Variants in CGNL1 observed in about 807,000 individuals in gnomAD.
The protein encoded by CGNL1 is cingulin like 1.
Under a neutral mutation model 141.2 loss-of-function variants are expected in CGNL1, and 132 were observed. The observed-to-expected ratio is 0.93, with a 90% CI of 0.81 to 1.08. The LOEUF is 1.08. Among genes scored for constraint, CGNL1 ranks in the 50% least tolerant of loss-of-function variants. The pLI, the probability that CGNL1 is intolerant of heterozygous loss-of-function variation, is 0.00. For missense variants in CGNL1, 1,870 were observed against 1,588.6 expected, an observed-to-expected ratio of 1.18 and a Z score of -3.01; for synonymous variants, 690 against 622.1, an observed-to-expected ratio of 1.11 and a Z score of -1.63.
intron 10 of CGNL1, among the ~76,000 whole-genome samples, chr15:57,522,192 T>A (rs1407016382): frequency 6.6e-6 from 1 of 152,154 alleles, no homozygotes; most frequent in African/African-American, 2.4e-5. Flanking sequence ...TAACCTTGGT[T>A]CTCTGCAGCA....
At chr15:57,381,269 A>G (rs1038707669) in intron 1 of CGNL1, among the ~76,000 whole-genome samples, 1 of 152,102 alleles carries the variant, frequency 6.6e-6, no homozygotes, top group Non-Finnish European at 1.5e-5. Flanking sequence ...GCAAAGGTGC[A>G]TAGTAGTTGA....
At chr15:57,404,739 G>A (rs1700746151) in intron 1 of CGNL1, among the ~76,000 whole-genome samples, 3 of 152,154 alleles carry the variant, frequency 2.0e-5, no homozygotes, top group Admixed American at 2.0e-4. Context: ...TAAATCTGGA[G>A]GAACTCAAGA....
intron 1 of CGNL1, among the ~76,000 whole-genome samples, chr15:57,435,407 GTTTTTTT>G (rs2063094472): frequency 7.2e-5 from 7 of 96,858 alleles, no homozygotes; most frequent in Non-Finnish European, 1.2e-4. Flanking sequence ...AAATTTGCAG[GTTTTTTT>G]GTTTTTTTTT....
intron 1 of CGNL1, among the ~76,000 whole-genome samples, chr15:57,426,537 C>A (rs1266386321): frequency 6.6e-6 from 1 of 151,840 alleles, no homozygotes; most frequent in Admixed American, 6.6e-5. Flanking sequence ...GCCTCAACCT[C>A]CCAGGCTCAG....
intron 1 of CGNL1, among the ~76,000 whole-genome samples, chr15:57,436,296 T>A (rs1353157948): frequency 6.6e-6 from 1 of 152,198 alleles, no homozygotes; most frequent in African/African-American, 2.4e-5. Flanking sequence ...TAATAAGATA[T>A]AAGGGATTAT....
chr15:57,387,340 G>A (rs2062495200), intron 1 of CGNL1, among the ~76,000 whole-genome samples: 2 of 152,144 alleles, frequency 1.3e-5, no homozygotes, highest in African/African-American at 4.8e-5. Context: ...TCAGGCCTGT[G>A]GTTCTCTGAA....
intron 18 of CGNL1, 103 bp from the exon 19 acceptor site, chr15:57,547,252 C>G: frequency 1.6e-6 from 2 of 1,282,494 alleles, no homozygotes. Context: ...CTGTGCCACT[C>G]AGTGGGGTGC....
At chr15:57,509,298 C>T (rs2030008528) in intron 8 of CGNL1, among the ~76,000 whole-genome samples, 1 of 152,312 alleles carries the variant, frequency 6.6e-6, no homozygotes, top group African/African-American at 2.4e-5. Flanking sequence ...CTGGATGTCC[C>T]GGCCTCCACG....
In CGNL1 at chr15:57,410,564, G is replaced by T. The variant is rs1486093436; in HGVS notation, c.-15-27421G>T. Among the ~76,000 whole-genome samples, 3 of 152,172 alleles carry T rather than the reference G, an allele frequency of 2.0e-5. No homozygotes were observed. In the East Asian group the frequency reaches 5.8e-4, roughly 29 times the overall value. ...CTCTCTCTTTCTAGGCAGGCATTTT[G>T]GCTGTGTCTGTGTGGTCCCAACATG... On this transcript the variant is annotated intron_variant, in intron 1 of 18. Transcript: ENST00000281282.
At position 57,453,759 on chromosome 15, in the gene CGNL1, C is replaced by T. The variant is rs752453898; in HGVS notation, c.2131C>T (p.His711Tyr). The T allele has an allele frequency of 6.2e-7, 1 of 1,613,832 alleles. No individual in the cohort carries two copies. The highest frequency in any genetic ancestry group is 2.2e-5 in the East Asian group (1 of 44,886). ...TCTCCAGGACCAGCTCTCAGAAATG[C>T]ACGATGAACTGGACAGTGCAAAGCG... ...RDLQDQLSEMHDELDSAKRSE... is the reference protein window; with the variant it reads ...RDLQDQLSEMYDELDSAKRSE... The change falls in exon 7 of 19, where the codon CAC (histidine) becomes TAC (tyrosine). Residue 711 changes from histidine (H) to tyrosine (Y), a missense_variant. By Grantham distance (83) the His-to-Tyr change is moderately conservative. Transcript: ENST00000281282.
At chr15:57,527,671 G>A (rs2031697594) in intron 12 of CGNL1, 1 of 152,250 alleles carries the variant, frequency 6.6e-6, no homozygotes, top group African/African-American at 2.4e-5. Flanking sequence ...TTTCTTCAAA[G>A]CTGTTAGTTG....
chr15:57,383,019 C>G (rs778790216), intron 1 of CGNL1, among the ~76,000 whole-genome samples: 1 of 152,182 alleles, frequency 6.6e-6, no homozygotes, highest in Non-Finnish European at 1.5e-5. Context: ...TGATTCCCCA[C>G]CTTTTTTGCC....
At chr15:57,431,042 C>T (rs1595695982) in intron 1 of CGNL1, among the ~76,000 whole-genome samples, 1 of 152,196 alleles carries the variant, frequency 6.6e-6, no homozygotes, top group Non-Finnish European at 1.5e-5. Flanking sequence ...TTTCAGACTC[C>T]TGGTTGATTC....
chr15:57,380,004 A>G (rs1473901417), intron 1 of CGNL1, among the ~76,000 whole-genome samples: 1 of 151,918 alleles, frequency 6.6e-6, no homozygotes, highest in East Asian at 1.9e-4. Context: ...CTTGGGGGAG[A>G]TAGTGCTTCA....
intron 5 of CGNL1, 142 bp downstream of exon 5, chr15:57,451,743 C>A: frequency 1.6e-6 from 1 of 633,320 alleles, no homozygotes. Context: ...GAATAAATTC[C>A]TGTGTATTTG....
intron 1 of CGNL1, among the ~76,000 whole-genome samples, chr15:57,401,554 G>T (rs2062660570): frequency 6.6e-6 from 1 of 152,188 alleles, no homozygotes; most frequent in African/African-American, 2.4e-5. Flanking sequence ...AAAGGTGGAT[G>T]GTTGTGGAAA....
At chr15:57,395,824 C>T (rs1233065424) in intron 1 of CGNL1, among the ~76,000 whole-genome samples, 4 of 152,134 alleles carry the variant, frequency 2.6e-5, no homozygotes, top group African/African-American at 9.7e-5. Context: ...GACCATGCAG[C>T]TGGTAAGTGG....
intron 8 of CGNL1, among the ~76,000 whole-genome samples, chr15:57,471,602 C>T (rs749532000): frequency 1.5e-4 from 23 of 152,274 alleles, no homozygotes; most frequent in South Asian, 2.1e-4. Flanking sequence ...GGAGCTTGGT[C>T]GCGTGGTCAG....
intron 8 of CGNL1, among the ~76,000 whole-genome samples, chr15:57,491,378 G>T (rs542882184): frequency 2.6e-5 from 4 of 152,138 alleles, no homozygotes; most frequent in Non-Finnish European, 5.9e-5. Context: ...CCTTCCCACA[G>T]TGCCACTGCT....
Sources: allele counts gnomAD v4.1 joint callset (sites outside exome capture counted in the v4.1 genomes callset), GRCh38; gene constraint gnomAD v4.1.1; transcripts MANE v1.5; gene names NCBI Gene and HGNC (gene_info 2026-07-23, HGNC 2026-07-21).